The following RPS6KC1 variants were observed in gnomAD, a reference collection of about 807,000 sequenced individuals.
RPS6KC1 encodes inactive ribosomal protein S6 kinase delta-1.
A neutral mutation model predicts 103.8 loss-of-function variants in RPS6KC1; 54 were observed. The ratio of observed to expected loss-of-function variants is 0.52; its 90% CI spans 0.42 to 0.65. The LOEUF is 0.65. Among genes scored for constraint, RPS6KC1 ranks in the 30% least tolerant of loss-of-function variants. The pLI is 0.00. For missense variants in RPS6KC1, 1,151 were observed against 1,253.8 expected (o/e 0.92, Z 1.24); for synonymous variants, 439 against 438.7 (o/e 1.00, Z -0.01).
chr1:213,474,180 G>C, the RPS6KC1 span, among the ~76,000 whole-genome samples: 1 of 152,108 alleles, frequency 6.6e-6, no homozygotes, highest in African/African-American at 2.4e-5. Context: ...TTCGGGGGTA[G>C]ATGGAGCAAC....
At chr1:213,292,146 T>C in the RPS6KC1 span, among the ~76,000 whole-genome samples, 1 of 152,106 alleles carries the variant, frequency 6.6e-6, no homozygotes, top group Admixed American at 6.5e-5. Flanking sequence ...ATATACCTAA[T>C]GCTAAATGAC....
the RPS6KC1 span, among the ~76,000 whole-genome samples, chr1:213,859,672 A>G: frequency 2.0e-5 from 3 of 152,186 alleles, no homozygotes; most frequent in Admixed American, 6.5e-5. Context: ...CCTTATTATC[A>G]TTAACTGTGC....
At chr1:213,350,441 G>A in the RPS6KC1 span, among the ~76,000 whole-genome samples, 10 of 152,322 alleles carry the variant, frequency 6.6e-5, no homozygotes, top group South Asian at 2.1e-3. Context: ...TGGGGCAGAT[G>A]TGGGAGTGTG....
the RPS6KC1 span, among the ~76,000 whole-genome samples, chr1:213,833,435 GT>G: frequency 6.6e-6 from 1 of 152,220 alleles, no homozygotes; most frequent in Non-Finnish European, 1.5e-5. Context: ...TCATTTATTT[GT>G]TTGTGAAACT....
At chr1:213,460,994 C>A in the RPS6KC1 span, among the ~76,000 whole-genome samples, 6 of 151,992 alleles carry the variant, frequency 3.9e-5, no homozygotes, top group Admixed American at 1.3e-4. Context: ...GTGGGTAACC[C>A]GACCTTTCTG....
At chr1:213,721,703 T>C in the RPS6KC1 span, among the ~76,000 whole-genome samples, 1 of 152,342 alleles carries the variant, frequency 6.6e-6, no homozygotes, top group South Asian at 2.1e-4. Context: ...TTAAAATCTC[T>C]GCCTGCCTTC....
chr1:213,155,969 C>T (rs983684119), intron 6 of RPS6KC1, among the ~76,000 whole-genome samples: 1 of 152,156 alleles, frequency 6.6e-6, no homozygotes, highest in Admixed American at 6.5e-5. Context: ...AAACACCCAC[C>T]ACCCAACATG....
intron 8 of RPS6KC1, among the ~76,000 whole-genome samples, chr1:213,220,111 G>A (rs2093790420): frequency 1.3e-5 from 2 of 152,072 alleles, no homozygotes; most frequent in Non-Finnish European, 2.9e-5. Context: ...TTGTATTGTA[G>A]AAATATTGAT....
At chr1:213,431,841 A>G in the RPS6KC1 span, among the ~76,000 whole-genome samples, 1 of 152,284 alleles carries the variant, frequency 6.6e-6, no homozygotes, top group East Asian at 1.9e-4. Context: ...TTGCTGATTT[A>G]TAGGGACTAT....
chr1:213,240,898 T>C lies in RPS6KC1; in HGVS notation c.1422T>C (p.Ser474=), dbSNP rs776196265. 25 of 1,613,670 alleles carry C rather than the reference T, an allele frequency of 1.5e-5. No individual in the cohort carries two copies. The highest frequency in any genetic ancestry group is 2.0e-5 in the Non-Finnish European group (24 of 1,179,820). ...TGCTTAAAGCTCTGCCTTTGAAGAG[T>C]AGTCTTACTCCAAGTTCTCAAGATG... ...GSMLKALPLK[S]SLTPSSQDDS... Residue 474 remains serine (S), a synonymous_variant, in exon 11 of 15, where the codon AGT becomes AGC. Transcript: ENST00000366960.
intron 8 of RPS6KC1, among the ~76,000 whole-genome samples, chr1:213,181,056 C>G (rs2092238195): frequency 6.6e-6 from 1 of 152,130 alleles, no homozygotes. Flanking sequence ...ACATGAGACT[C>G]TTTGTACTGC....
chr1:213,726,974 C>T, the RPS6KC1 span, among the ~76,000 whole-genome samples: 9 of 152,152 alleles, frequency 5.9e-5, no homozygotes, highest in Non-Finnish European at 8.8e-5. Flanking sequence ...AATCTTAGGG[C>T]GCCACCATCT....
At chr1:213,243,347 T>C (rs1169298581) in intron 12 of RPS6KC1, among the ~76,000 whole-genome samples, 4 of 152,036 alleles carry the variant, frequency 2.6e-5, no homozygotes, top group African/African-American at 9.7e-5. Flanking sequence ...CCTGAACACC[T>C]GGCCTCAAGC....
chr1:213,194,559 A>G (rs2092867495), intron 8 of RPS6KC1, among the ~76,000 whole-genome samples: 2 of 152,060 alleles, frequency 1.3e-5, no homozygotes, highest in Admixed American at 6.6e-5. Context: ...GACAGGTGTC[A>G]CTCTATCGCC....
At chr1:213,118,846 A>G (rs2084011530) in intron 5 of RPS6KC1, among the ~76,000 whole-genome samples, 1 of 151,942 alleles carries the variant, frequency 6.6e-6, no homozygotes, top group Non-Finnish European at 1.5e-5. Context: ...ATAGAAAAAC[A>G]TTGTTGACAG....
chr1:213,484,361 T>A, the RPS6KC1 span, among the ~76,000 whole-genome samples: 1 of 152,170 alleles, frequency 6.6e-6, no homozygotes, highest in African/African-American at 2.4e-5. Flanking sequence ...GGAAGGATCT[T>A]CTTCCATGCT....
chr1:213,523,518 C>A, the RPS6KC1 span, among the ~76,000 whole-genome samples: 1 of 152,192 alleles, frequency 6.6e-6, no homozygotes, highest in African/African-American at 2.4e-5. Flanking sequence ...CTATAATACA[C>A]AATCTACAGG....
chr1:213,548,438 G>A, the RPS6KC1 span, among the ~76,000 whole-genome samples: 3 of 152,170 alleles, frequency 2.0e-5, no homozygotes, highest in Non-Finnish European at 4.4e-5. Flanking sequence ...GAAGGCAGGC[G>A]GATCACGAGG....
the RPS6KC1 span, among the ~76,000 whole-genome samples, chr1:213,491,466 T>G: frequency 6.6e-6 from 1 of 152,136 alleles, no homozygotes; most frequent in Admixed American, 6.5e-5. Context: ...GAGGATCACT[T>G]GAGCCCAGGA....
Sources: allele counts gnomAD v4.1 joint callset (sites outside exome capture counted in the v4.1 genomes callset), GRCh38; gene constraint gnomAD v4.1.1; transcripts MANE v1.5; gene names NCBI Gene and HGNC (gene_info 2026-07-23, HGNC 2026-07-21).